The following ADAM32 variants were observed in gnomAD, a reference collection of about 807,000 sequenced individuals.
ADAM32 encodes the protein disintegrin and metalloproteinase domain-containing protein 32.
In ADAM32, 89 loss-of-function variants were observed where a neutral mutation model predicts 114.9. The observed-to-expected ratio is 0.77, with a 90% CI of 0.65 to 0.92. The LOEUF (loss-of-function observed/expected upper bound fraction) is 0.92. Ranked by LOEUF, ADAM32 falls within the 40% of genes least tolerant of loss-of-function variation. The pLI, the probability that ADAM32 is intolerant of heterozygous loss-of-function variation, is 0.00. For synonymous variants in ADAM32, 285 were observed against 307.5 expected (o/e 0.93, Z 0.77); for missense variants, 870 against 932.8 (o/e 0.93, Z 0.88).
intron 3 of ADAM32, among the ~76,000 whole-genome samples, chr8:39,140,753 G>A (rs896668017): frequency 2.0e-5 from 3 of 152,142 alleles, no homozygotes; most frequent in African/African-American, 4.8e-5. Flanking sequence ...TGTACCTCTG[G>A]TAGAATTTGG....
chr8:39,220,240 C>G (rs1442239708), intron 12 of ADAM32, among the ~76,000 whole-genome samples: 1 of 152,078 alleles, frequency 6.6e-6, no homozygotes, highest in Non-Finnish European at 1.5e-5. Context: ...TTTGTGTTAT[C>G]TACTATAAAA....
intron 23 of ADAM32, among the ~76,000 whole-genome samples, 175 bp from the exon 24 acceptor site, chr8:39,283,411 T>TAAA (rs375766985): frequency 1.7e-4 from 10 of 57,370 alleles, no homozygotes; most frequent in East Asian, 1.4e-3. Flanking sequence ...ACTCCATCTC[T>TAAA]AAAAAAAAAA....
At chr8:39,117,402 A>G (rs1165391673) in intron 1 of ADAM32, among the ~76,000 whole-genome samples, 2 of 150,034 alleles carry the variant, frequency 1.3e-5, no homozygotes, top group Non-Finnish European at 3.0e-5. Context: ...TGATATTTTT[A>G]TTGGGAGAAA....
intron 2 of ADAM32, among the ~76,000 whole-genome samples, chr8:39,135,538 A>G (rs995415377): frequency 6.6e-6 from 1 of 152,198 alleles, no homozygotes; most frequent in Non-Finnish European, 1.5e-5. Flanking sequence ...AATACAAGAA[A>G]TTAGTATTGA....
chr8:39,138,578 G>A (rs892017104), intron 3 of ADAM32, among the ~76,000 whole-genome samples: 1 of 152,150 alleles, frequency 6.6e-6, no homozygotes, highest in African/African-American at 2.4e-5. Context: ...TAGCATTGAT[G>A]GACTTTTGGG....
In ADAM32 at chr8:39,284,801, G is replaced by T; in HGVS notation, c.*2G>T. The T allele has an allele frequency of 6.2e-7, 1 of 1,613,788 alleles. No homozygotes were observed. The highest frequency in any genetic ancestry group is 8.5e-7 in the Non-Finnish European group (1 of 1,179,788). On this transcript the variant is annotated 3_prime_UTR_variant, in exon 25 of 25. Transcript: ENST00000379907. ...TTTGTTCTCTTCCACAGTAACTAGT[G>T]ATTCCTTCAGAAGGCAACGGATAAC...
At chr8:39,168,640 AG>A (rs1276134777) in intron 9 of ADAM32, 1 of 152,148 alleles carries the variant, frequency 6.6e-6, no homozygotes. Context: ...ATAGTGTAGA[AG>A]GTCTCTTCCA....
intron 2 of ADAM32, among the ~76,000 whole-genome samples, chr8:39,123,918 G>A (rs1801944603): frequency 6.6e-6 from 1 of 151,740 alleles, no homozygotes. Flanking sequence ...TGTTGGCCAG[G>A]CTGGTCTTGA....
intron 24 of ADAM32, among the ~76,000 whole-genome samples, chr8:39,283,914 C>T (rs1490534675): frequency 6.6e-6 from 1 of 152,006 alleles, no homozygotes; most frequent in East Asian, 1.9e-4. Flanking sequence ...GCTGGGATTA[C>T]AGGCGTGTGC....
At chr8:39,239,674 TAA>T (rs1435411638) in intron 16 of ADAM32, among the ~76,000 whole-genome samples, 8 of 152,152 alleles carry the variant, frequency 5.3e-5, no homozygotes, top group Admixed American at 5.2e-4. Flanking sequence ...CTGCTGTCTT[TAA>T]AAGACTCACC....
chr8:39,157,126 C>T (rs888533771), intron 6 of ADAM32, among the ~76,000 whole-genome samples: 26 of 152,144 alleles, frequency 1.7e-4, no homozygotes, highest in African/African-American at 5.6e-4. Flanking sequence ...TGCCTCTGGC[C>T]TCCCTGGTTT....
intron 1 of ADAM32, 194 bp downstream of exon 1, chr8:39,108,027 T>A: frequency 1.4e-6 from 1 of 700,758 alleles, no homozygotes; most frequent in Non-Finnish European, 2.2e-6. Flanking sequence ...CTCACGCCTG[T>A]AATCCCAGGG....
chr8:39,160,909 G>C lies in ADAM32; in HGVS notation c.538G>C (p.Val180Leu), dbSNP rs1804470133. The change falls in exon 7 of 25, where the codon GTT becomes CTT. Residue 180 changes from valine (V) to leucine (L), a missense_variant. Val to Leu is a conservative substitution (Grantham distance 32). Coordinates refer to ENST00000379907, the MANE Select transcript of ADAM32 (RefSeq NM_145004.7). The stretch of plus-strand genomic sequence containing the variant: ...TCCTTTTTTCTAGTCAGAACCAGCT[G>C]TTCCAGATTTATTTCCTCTTTATCT... ...IFISEKSEPA[V>L]PDLFPLYLEM... The C allele has an allele frequency of 6.3e-7, 1 of 1,596,680 alleles. No individual in the cohort carries two copies. Among genetic ancestry groups the C allele is most frequent in the African/African-American group, 1.3e-5 (1 of 74,640 alleles).
intron 17 of ADAM32, among the ~76,000 whole-genome samples, chr8:39,248,376 T>C (rs952698482): frequency 6.6e-6 from 1 of 152,192 alleles, no homozygotes; most frequent in Non-Finnish European, 1.5e-5. Flanking sequence ...ATCAGTGTTT[T>C]GTAGTTTTCT....
chr8:39,201,355 T>C (rs1373489000), intron 11 of ADAM32, among the ~76,000 whole-genome samples: 1 of 152,148 alleles, frequency 6.6e-6, no homozygotes, highest in African/African-American at 2.4e-5. Flanking sequence ...CCCCTGTAAG[T>C]TGGATTCCTA....
chr8:39,255,330 T>C (rs1226347605), intron 18 of ADAM32, among the ~76,000 whole-genome samples: 2 of 152,048 alleles, frequency 1.3e-5, no homozygotes, highest in African/African-American at 4.8e-5. Flanking sequence ...GCTGTGCTAG[T>C]TTACATTCCC....
At chr8:39,269,999 T>C (rs1336863882) in intron 19 of ADAM32, among the ~76,000 whole-genome samples, 1 of 151,756 alleles carries the variant, frequency 6.6e-6, no homozygotes, top group African/African-American at 2.4e-5. Context: ...AAGAACCTCT[T>C]ATAAAACCGT....
chr8:39,254,943 A>G, intron 18 of ADAM32, among the ~76,000 whole-genome samples: 1 of 151,808 alleles, frequency 6.6e-6, no homozygotes, highest in Non-Finnish European at 1.5e-5. Flanking sequence ...GCTCCCACTT[A>G]TGAGTGAGAA....
chr8:39,115,279 T>C lies in ADAM32; in HGVS notation c.59-2807T>C, dbSNP rs1403456610. ...AAATGGGAGTTCTCTTTTAGGTTCC[T>C]TGAGAAATCACACTGCTGGGTAAAA... On this transcript the variant is annotated intron_variant, in intron 1 of 24. Coordinates refer to ENST00000379907, the MANE Select transcript of ADAM32 (RefSeq NM_145004.7). Among the ~76,000 whole-genome samples the C allele has an allele frequency of 2.6e-5, 4 of 152,256 alleles. No homozygotes were observed. The South Asian group carries it at 6.2e-4, about 24-fold the overall frequency.
Sources: allele counts gnomAD v4.1 joint callset (sites outside exome capture counted in the v4.1 genomes callset), GRCh38; gene constraint gnomAD v4.1.1; transcripts MANE v1.5; gene names NCBI Gene and HGNC (gene_info 2026-07-23, HGNC 2026-07-21).